CTNNA2: variants seen among roughly 807,000 people sequenced by gnomAD.
CTNNA2 encodes catenin alpha-2.
CTNNA2 carries 42 observed loss-of-function variants against 101.0 expected under a neutral mutation model. The ratio of observed to expected loss-of-function variants is 0.42; its 90% confidence interval spans 0.32 to 0.54. The LOEUF (loss-of-function observed/expected upper bound fraction) is 0.54. Ranked by LOEUF, CTNNA2 falls within the 20% of genes least tolerant of loss-of-function variation. CTNNA2 has a pLI of 0.14. For missense variants in CTNNA2, 871 were observed against 1,223.1 expected, an observed-to-expected ratio of 0.71 and a Z score of 4.29; for synonymous variants, 450 against 456.4, an observed-to-expected ratio of 0.99 and a Z score of 0.18.
At chr2:80,363,966 G>A (rs1674663849) in intron 7 of CTNNA2, among the ~76,000 whole-genome samples, 1 of 152,114 alleles carries the variant, frequency 6.6e-6, no homozygotes, top group Non-Finnish European at 1.5e-5. Context: ...TGCATGCAAC[G>A]GGAGTGGTAA....
intron 3 of CTNNA2, among the ~76,000 whole-genome samples, chr2:79,845,974 T>C (rs1262578837): frequency 7.5e-6 from 1 of 132,778 alleles, no homozygotes; most frequent in African/African-American, 2.5e-5. Context: ...CGACCATTTC[T>C]CTGTGAAGAA....
chr2:79,191,054 G>A (rs781081446), intron 1 of CTNNA2, among the ~76,000 whole-genome samples: 1 of 152,106 alleles, frequency 6.6e-6, no homozygotes, highest in Non-Finnish European at 1.5e-5. Flanking sequence ...CAACATGACT[G>A]CCTGGAAAAT....
At chr2:80,367,843 T>C (rs1026220437) in intron 7 of CTNNA2, among the ~76,000 whole-genome samples, 6 of 152,122 alleles carry the variant, frequency 3.9e-5, no homozygotes, top group African/African-American at 7.2e-5. Context: ...ATCATTCAGC[T>C]GAGTAGGATA....
chr2:79,741,022 G>T (rs1345437654), intron 2 of CTNNA2, among the ~76,000 whole-genome samples: 1 of 152,162 alleles, frequency 6.6e-6, no homozygotes, highest in African/African-American at 2.4e-5. Context: ...AGGAAAATGT[G>T]CAGTAGTGTG....
At chr2:79,509,586 T>C (rs888907113), upstream of CTNNA2, among the ~76,000 whole-genome samples, 1 of 152,144 alleles carries the variant, frequency 6.6e-6, no homozygotes, top group Non-Finnish European at 1.5e-5. Flanking sequence ...ACACCAATGG[T>C]TTCCAGGGGT....
chr2:80,638,535 C>G (rs1226339579), intron 18 of CTNNA2, among the ~76,000 whole-genome samples: 2 of 152,134 alleles, frequency 1.3e-5, no homozygotes, highest in Non-Finnish European at 2.9e-5. Context: ...TGGCCCTGTT[C>G]CGAACTTTCC....
chr2:80,267,062 T>G lies in CTNNA2; in HGVS notation c.1057-126149T>G, dbSNP rs555710212. On this transcript the variant is annotated intron_variant, in intron 7 of 18. Transcript: ENST00000402739. ...GGAAGAACCCCAGCTGAAAAACACC[T>G]ATGTCAGGCTCCCCAGTCTCCAGAG... Among the ~76,000 whole-genome samples, 5 of 152,272 alleles carry G rather than the reference T, an allele frequency of 3.3e-5. No homozygotes were observed. In the South Asian group the frequency reaches 1.0e-3, roughly 32 times the overall value.
At chr2:80,565,187 T>A (rs1693947410) in intron 12 of CTNNA2, among the ~76,000 whole-genome samples, 1 of 152,128 alleles carries the variant, frequency 6.6e-6, no homozygotes, top group South Asian at 2.1e-4. Context: ...TTTCTGGAAG[T>A]TACTACTTTG....
chr2:80,601,161 C>T (rs993274666), intron 15 of CTNNA2, among the ~76,000 whole-genome samples: 3 of 152,138 alleles, frequency 2.0e-5, no homozygotes, highest in East Asian at 1.9e-4. Flanking sequence ...AAGCCTACTC[C>T]AGCACTCATG....
At position 80,529,986 on chromosome 2, in the gene CTNNA2, A is replaced by C. The variant is rs942718334; in HGVS notation, c.1291-14996A>C. On this transcript the variant is annotated intron_variant, in intron 9 of 18. Transcript: ENST00000402739. ...TAACTTTGGCTCGGGGTTTGTGTAC[A>C]CTTCTGAAAGTGCAGCTGCGCCTTT... 7.2e-5 allele frequency among the ~76,000 whole-genome samples: 11 copies of C among 152,036 alleles called. No homozygotes were observed. In the East Asian group the frequency reaches 1.7e-3, roughly 24 times the overall value.
At chr2:80,641,757 AT>A (rs1204358909) in intron 18 of CTNNA2, among the ~76,000 whole-genome samples, 3 of 134,288 alleles carry the variant, frequency 2.2e-5, no homozygotes, top group South Asian at 2.1e-4. Flanking sequence ...TGATGACGTT[AT>A]ATCTTAGATT....
intron 9 of CTNNA2, among the ~76,000 whole-genome samples, chr2:80,492,744 C>A (rs570507496): frequency 6.6e-6 from 1 of 152,308 alleles, no homozygotes; most frequent in Non-Finnish European, 1.5e-5. Context: ...TGGGCACATG[C>A]TGTTTCCTCT....
At chr2:79,496,618 G>A (rs907511182) in intron 4 of CTNNA2, among the ~76,000 whole-genome samples, 1 of 151,602 alleles carries the variant, frequency 6.6e-6, no homozygotes, top group Non-Finnish European at 1.5e-5. Context: ...CTTTGCATCT[G>A]TTGATATTAA....
At chr2:79,363,575 A>T (rs1298746711) in intron 3 of CTNNA2, among the ~76,000 whole-genome samples, 1 of 151,890 alleles carries the variant, frequency 6.6e-6, no homozygotes, top group African/African-American at 2.4e-5. Flanking sequence ...AAAAAAAAAA[A>T]ATCTCATCAT....
chr2:79,521,760 T>C (rs1672132553), intron 1 of CTNNA2, among the ~76,000 whole-genome samples: 1 of 152,148 alleles, frequency 6.6e-6, no homozygotes, highest in Non-Finnish European at 1.5e-5. Flanking sequence ...GAGATTGTGG[T>C]CACAACTTTT....
chr2:79,604,190 C>T (rs1677733290), intron 1 of CTNNA2, among the ~76,000 whole-genome samples: 1 of 152,164 alleles, frequency 6.6e-6, no homozygotes, highest in Non-Finnish European at 1.5e-5. Context: ...TGGGAATTAC[C>T]ACTTCTGAAT....
chr2:79,399,500 T>C (rs774163875), intron 4 of CTNNA2, among the ~76,000 whole-genome samples: 2 of 152,054 alleles, frequency 1.3e-5, no homozygotes, highest in Admixed American at 6.6e-5. Flanking sequence ...TAACCAATCA[T>C]TAACTGACCA....
At chr2:80,488,783 G>A (rs938921262) in intron 9 of CTNNA2, among the ~76,000 whole-genome samples, 3 of 152,156 alleles carry the variant, frequency 2.0e-5, no homozygotes, top group African/African-American at 7.2e-5. Context: ...ACAAATGCCT[G>A]CCAAAGATGG....
At chr2:79,831,146 GA>G (rs1678894716) in intron 3 of CTNNA2, among the ~76,000 whole-genome samples, 2 of 151,056 alleles carry the variant, frequency 1.3e-5, no homozygotes, top group Non-Finnish European at 1.5e-5. Context: ...TTTTATTTTA[GA>G]AAAAAATTCT....
Sources: gnomAD v4.1 joint callset for allele counts (sites outside exome capture counted in the v4.1 genomes callset) on GRCh38, gnomAD v4.1.1 for gene constraint, MANE v1.5 for transcripts, NCBI Gene and HGNC (gene_info 2026-07-23, HGNC 2026-07-21) for gene names.